NEBL: variants seen among roughly 807,000 people sequenced by gnomAD.
NEBL encodes the protein nebulette.
NEBL carries 122 observed loss-of-function variants against 140.2 expected under a neutral mutation model. The observed-to-expected ratio is 0.87, with a 90% CI of 0.75 to 1.01. NEBL has a LOEUF of 1.01. NEBL is among the 50% of genes least tolerant of loss of function. The pLI, the probability that NEBL is intolerant of heterozygous loss-of-function variation, is 0.00. For missense variants in NEBL, 1,365 were observed against 1,231.3 expected, an observed-to-expected ratio of 1.11 and a Z score of -1.62; for synonymous variants, 436 against 398.9, an observed-to-expected ratio of 1.09 and a Z score of -1.11.
chr10:20,882,774 T>C (rs1846139132), intron 4 of NEBL, among the ~76,000 whole-genome samples: 1 of 152,022 alleles, frequency 6.6e-6, no homozygotes, highest in South Asian at 2.1e-4. Flanking sequence ...TAACTAACAA[T>C]GTTTAATGCC....
upstream of NEBL, among the ~76,000 whole-genome samples, chr10:20,898,728 TC>T (rs1262527820): frequency 6.6e-6 from 1 of 152,136 alleles, no homozygotes; most frequent in Non-Finnish European, 1.5e-5. Context: ...AACCTCGTGT[TC>T]CCCTGAACAC....
intron 2 of NEBL, chr10:21,029,643 G>A: frequency 7.4e-7 from 1 of 1,359,448 alleles, no homozygotes; most frequent in Non-Finnish European, 1.1e-6. Flanking sequence ...CGCCTAGAAG[G>A]GGTGATGATA....
chr10:20,956,863 A>T (rs930406688), intron 4 of NEBL, among the ~76,000 whole-genome samples: 1 of 152,162 alleles, frequency 6.6e-6, no homozygotes, highest in Non-Finnish European at 1.5e-5. Context: ...CTCATACACG[A>T]TAATTTTGCC....
Position 20,890,430 on chromosome 10 carries a change from G to A in NEBL, c.154-481C>T, listed in dbSNP as rs111998215. Among the ~76,000 whole-genome samples the A allele has an allele frequency of 5.3e-4, 80 of 152,298 alleles. 1 individual carries two copies. Among genetic ancestry groups the A allele is most frequent in the African/African-American group, 1.9e-3 (78 of 41,568 alleles). ...AAATTAAATGGGGATCACTATTACC[G>A]TTATTACCTAGACATGCTTGATTAG... is the stretch of plus-strand genomic sequence containing the variant. On this transcript the variant is annotated intron_variant, in intron 2 of 27. Coordinates refer to ENST00000377122, the MANE Select transcript of NEBL (RefSeq NM_006393.3).
intron 3 of NEBL, among the ~76,000 whole-genome samples, chr10:21,207,618 G>A (rs986952813): frequency 7.9e-5 from 12 of 152,178 alleles, no homozygotes; most frequent in African/African-American, 2.9e-4. Context: ...TGAGCTTCTG[G>A]TTGGGTTTGG....
intron 2 of NEBL, among the ~76,000 whole-genome samples, chr10:21,133,067 A>G (rs1231084226): frequency 6.6e-6 from 1 of 152,142 alleles, no homozygotes; most frequent in Non-Finnish European, 1.5e-5. Context: ...AGTCACAAAG[A>G]TTTACTCTGT....
chr10:21,179,768 T>C (rs888683910), upstream of NEBL, among the ~76,000 whole-genome samples: 1 of 149,994 alleles, frequency 6.7e-6, no homozygotes, highest in African/African-American at 2.5e-5. Flanking sequence ...TTGAAGATGC[T>C]ACACTGCTGG....
chr10:21,237,932 CTTAA>C (rs1842382179), intron 3 of NEBL, among the ~76,000 whole-genome samples: 1 of 152,132 alleles, frequency 6.6e-6, no homozygotes, highest in Admixed American at 6.6e-5. Context: ...TCTATTCTAC[CTTAA>C]TTTATTGTTA....
intron 3 of NEBL, among the ~76,000 whole-genome samples, chr10:21,191,656 T>A (rs1193508051): frequency 6.6e-6 from 1 of 152,258 alleles, no homozygotes; most frequent in Non-Finnish European, 1.5e-5. Context: ...GATTCCATTA[T>A]GTAATTATTT....
At chr10:21,098,471 A>T (rs1837308245) in intron 2 of NEBL, among the ~76,000 whole-genome samples, 2 of 152,188 alleles carry the variant, frequency 1.3e-5, no homozygotes, top group South Asian at 4.1e-4. Flanking sequence ...TTATTATGCA[A>T]ATAAAACTGC....
At chr10:20,898,776 T>C (rs545410720), upstream of NEBL, among the ~76,000 whole-genome samples, 3 of 152,264 alleles carry the variant, frequency 2.0e-5, no homozygotes, top group African/African-American at 7.2e-5. Context: ...TCCAATTTAA[T>C]CTAATCTACC....
intron 4 of NEBL, among the ~76,000 whole-genome samples, chr10:20,912,805 T>C (rs775396673): frequency 5.3e-5 from 8 of 152,122 alleles, no homozygotes; most frequent in Non-Finnish European, 1.5e-5. Flanking sequence ...ATTCTGCCTT[T>C]CCTTCAATCT....
intron 4 of NEBL, among the ~76,000 whole-genome samples, chr10:20,957,564 A>G (rs1006650466): frequency 4.6e-5 from 7 of 152,156 alleles, no homozygotes; most frequent in African/African-American, 1.7e-4. Flanking sequence ...ATGTCTATAG[A>G]CATTAGTCTA....
At chr10:21,174,090 G>C (rs1564536571) in exon 1 of NEBL, 1 of 1,006,164 alleles carries the variant, frequency 9.9e-7, no homozygotes, top group Non-Finnish European at 1.2e-6. Context: ...CGCTGGCTCT[G>C]CGTCGCTCGC....
At chr10:21,062,962 G>C (rs1164107508) in intron 2 of NEBL, among the ~76,000 whole-genome samples, 7 of 152,114 alleles carry the variant, frequency 4.6e-5, no homozygotes, top group Non-Finnish European at 8.8e-5. Context: ...GATAAATCTA[G>C]AAGAGTGATT....
upstream of NEBL, among the ~76,000 whole-genome samples, chr10:21,178,426 A>T (rs1266451787): frequency 1.3e-5 from 2 of 152,228 alleles, no homozygotes; most frequent in East Asian, 3.9e-4. Flanking sequence ...TCTACTCTAG[A>T]TACCATGGAA....
intron 4 of NEBL, among the ~76,000 whole-genome samples, chr10:20,913,740 T>G (rs1043875169): frequency 2.0e-5 from 3 of 152,202 alleles, no homozygotes; most frequent in Admixed American, 6.5e-5. Context: ...TGAATCACCC[T>G]GCATTCTTGG....
intron 2 of NEBL, among the ~76,000 whole-genome samples, chr10:21,091,085 G>A (rs531944118): frequency 1.8e-4 from 27 of 151,994 alleles, no homozygotes; most frequent in African/African-American, 4.3e-4. Context: ...TCTCGGATTC[G>A]TCTGTGTATT....
At chr10:20,842,538 G>A (rs753802093) in intron 12 of NEBL, among the ~76,000 whole-genome samples, 26 of 152,042 alleles carry the variant, frequency 1.7e-4, no homozygotes, top group Admixed American at 1.2e-3. Flanking sequence ...GTCACCAAAA[G>A]TCCTCTTTTT....
Sources: gnomAD v4.1 joint callset for allele counts (sites outside exome capture counted in the v4.1 genomes callset) on GRCh38, gnomAD v4.1.1 for gene constraint, MANE v1.5 for transcripts, NCBI Gene and HGNC (gene_info 2026-07-23, HGNC 2026-07-21) for gene names.